MAPRE2: variants seen among roughly 807,000 people sequenced by gnomAD.
MAPRE2 encodes the protein microtubule-associated protein RP/EB family member 2.
A neutral mutation model predicts 43.2 loss-of-function variants in MAPRE2; 13 were observed. That is an observed-to-expected ratio of 0.30 (90% CI 0.20 to 0.48). The LOEUF is 0.48. Among genes scored for constraint, MAPRE2 ranks in the 20% least tolerant of loss-of-function variants. The pLI, the probability that MAPRE2 is intolerant of heterozygous loss-of-function variation, is 0.99. For synonymous variants in MAPRE2, 135 were observed against 148.8 expected, an observed-to-expected ratio of 0.91 and a Z score of 0.68; for missense variants, 161 against 400.2, an observed-to-expected ratio of 0.40 and a Z score of 5.10.
intron 1 of MAPRE2, among the ~76,000 whole-genome samples, chr18:34,992,604 TATA>T (rs1224131454): frequency 6.6e-6 from 1 of 152,180 alleles, no homozygotes; most frequent in African/African-American, 2.4e-5. Flanking sequence ...TATAATAAAA[TATA>T]ATAGAAAATA....
At chr18:35,127,729 C>T (rs762151219) in intron 5 of MAPRE2, 3 of 152,142 alleles carry the variant, frequency 2.0e-5, no homozygotes, top group South Asian at 2.1e-4. Flanking sequence ...GCAGGAGCAC[C>T]GAACCCAATA....
chr18:35,071,930 A>G (rs1053414993), intron 2 of MAPRE2, among the ~76,000 whole-genome samples: 1 of 152,262 alleles, frequency 6.6e-6, no homozygotes, highest in African/African-American at 2.4e-5. Context: ...TTATGAGGTC[A>G]GTAGTGGGTG....
chr18:35,023,516 A>AAT (rs148989194), intron 2 of MAPRE2, among the ~76,000 whole-genome samples: 11,436 of 147,986 alleles, frequency 0.077, 996 homozygotes, highest in African/African-American at 0.22. Flanking sequence ...CTTCGCAAAA[A>AAT]ATATATATAT....
At chr18:35,079,526 C>A (rs1366002091) in intron 2 of MAPRE2, among the ~76,000 whole-genome samples, 1 of 152,192 alleles carries the variant, frequency 6.6e-6, no homozygotes, top group Non-Finnish European at 1.5e-5. Flanking sequence ...TCCCTTCATT[C>A]CCATGTCTGG....
At chr18:35,130,644 C>T (rs1910105481) in intron 5 of MAPRE2, among the ~76,000 whole-genome samples, 1 of 152,084 alleles carries the variant, frequency 6.6e-6, no homozygotes, top group Non-Finnish European at 1.5e-5. Flanking sequence ...AAGGTAATGA[C>T]AGAGAGATTT....
chr18:34,980,743 C>T (rs2097015795), intron 1 of MAPRE2, among the ~76,000 whole-genome samples: 1 of 152,170 alleles, frequency 6.6e-6, no homozygotes, highest in African/African-American at 2.4e-5. Flanking sequence ...TAACCACACT[C>T]TAATGGGCCA....
chr18:35,006,778 C>G (rs1280029385), intron 2 of MAPRE2, among the ~76,000 whole-genome samples: 1 of 152,210 alleles, frequency 6.6e-6, no homozygotes, highest in Non-Finnish European at 1.5e-5. Context: ...CTCTGGCCAA[C>G]ATGGCAAAAC....
At chr18:35,070,537 G>A (rs1451753644) in intron 2 of MAPRE2, 3 of 346,482 alleles carry the variant, frequency 8.7e-6, no homozygotes, top group South Asian at 6.8e-5. Context: ...ACACGGACAC[G>A]TATTGGAAAG....
chr18:35,016,648 G>A (rs2097038451), intron 2 of MAPRE2, among the ~76,000 whole-genome samples: 1 of 151,776 alleles, frequency 6.6e-6, no homozygotes, highest in Non-Finnish European at 1.5e-5. Context: ...TTTTGATGAG[G>A]TTATTTGTTT....
intron 2 of MAPRE2, among the ~76,000 whole-genome samples, chr18:35,023,545 A>C (rs1177506316): frequency 6.7e-6 from 1 of 149,636 alleles, no homozygotes; most frequent in Non-Finnish European, 1.5e-5. Flanking sequence ...ATATATATAT[A>C]AATTGTTTAC....
chr18:35,134,863 C>T (rs1006054567), intron 6 of MAPRE2, among the ~76,000 whole-genome samples: 10 of 152,186 alleles, frequency 6.6e-5, no homozygotes, highest in African/African-American at 2.4e-4. Context: ...TTTAAACCCA[C>T]TTTGTTGTTG....
chr18:35,058,797 CT>C (rs10718064), intron 1 of MAPRE2, among the ~76,000 whole-genome samples: 95,255 of 151,984 alleles, frequency 0.63, 29,899 homozygotes, highest in East Asian at 0.84. Context: ...GACAAAATGG[CT>C]TTATTAAAGA....
chr18:35,098,810 A>C (rs1908544019), intron 3 of MAPRE2, among the ~76,000 whole-genome samples: 1 of 152,230 alleles, frequency 6.6e-6, no homozygotes, highest in African/African-American at 2.4e-5. Flanking sequence ...TGGGCTCCAT[A>C]TCTCTCTAGA....
At chr18:35,044,468 G>A (rs1003949407) in intron 1 of MAPRE2, among the ~76,000 whole-genome samples, 1 of 152,198 alleles carries the variant, frequency 6.6e-6, no homozygotes, top group Admixed American at 6.5e-5. Flanking sequence ...GGCCTCAAGT[G>A]ATCCACCTGC....
intron 2 of MAPRE2, among the ~76,000 whole-genome samples, chr18:35,086,311 TATG>T (rs1195580214): frequency 4.0e-4 from 61 of 152,016 alleles, no homozygotes; most frequent in Non-Finnish European, 1.5e-5. Flanking sequence ...ATCTCATATA[TATG>T]GGCGATCAAT....
intron 2 of MAPRE2, among the ~76,000 whole-genome samples, chr18:35,031,297 A>C (rs721881): frequency 0.55 from 83,771 of 152,044 alleles, 23,664 homozygotes; most frequent in African/African-American, 0.68. Flanking sequence ...ATGATTGAGG[A>C]CTAATTAAAA....
rs967715516 is a variant in MAPRE2 at position 34,989,388 on chromosome 18, T to C, written c.-70+12309T>C. Among the ~76,000 whole-genome samples the C allele has an allele frequency of 1.8e-4, 28 of 152,274 alleles. 1 individual carries two copies. Among genetic ancestry groups the C allele is most frequent in the African/African-American group, 6.7e-4 (28 of 41,568 alleles). Reference sequence around the variant, plus strand: ...TCCTAGTTGATTCAAGCTTGGACTTTGTCTTGTCTCAGGTTCTTGGTATGC... The same window carrying C: ...TCCTAGTTGATTCAAGCTTGGACTTCGTCTTGTCTCAGGTTCTTGGTATGC... On this transcript the variant is annotated intron_variant, in intron 1 of 7. Transcript: ENST00000413393.
chr18:34,994,649 A>G (rs1024485326), intron 1 of MAPRE2, among the ~76,000 whole-genome samples: 3 of 152,178 alleles, frequency 2.0e-5, no homozygotes, highest in Non-Finnish European at 2.9e-5. Context: ...ATTCTATTGT[A>G]ATATTTTATA....
At chr18:35,041,061 G>A (rs1286050431), upstream of MAPRE2, among the ~76,000 whole-genome samples, 1 of 152,210 alleles carries the variant, frequency 6.6e-6, no homozygotes, top group Admixed American at 6.5e-5. Flanking sequence ...GAGTTAAAGG[G>A]TCTCCCACAC....
Sources: allele counts gnomAD v4.1 joint callset (sites outside exome capture counted in the v4.1 genomes callset), GRCh38; gene constraint gnomAD v4.1.1; transcripts MANE v1.5; gene names NCBI Gene and HGNC (gene_info 2026-07-23, HGNC 2026-07-21).